Variants in TSPAN18 observed in about 807,000 individuals in gnomAD.
The protein encoded by TSPAN18 is tetraspanin 18.
In TSPAN18, 14 loss-of-function variants were observed where a neutral mutation model predicts 27.3. That is an observed-to-expected ratio of 0.51 (90% CI 0.34 to 0.80). TSPAN18 has a LOEUF of 0.80. Ranked by LOEUF, TSPAN18 falls within the 30% of genes least tolerant of loss-of-function variation. The pLI is 0.01. For synonymous variants in TSPAN18, 143 were observed against 136.5 expected (o/e 1.05, Z -0.33); for missense variants, 268 against 323.9 (o/e 0.83, Z 1.32).
intron 2 of TSPAN18, among the ~76,000 whole-genome samples, chr11:44,849,192 C>G (rs1408510701): frequency 6.6e-6 from 1 of 152,110 alleles, no homozygotes; most frequent in Non-Finnish European, 1.5e-5. Flanking sequence ...TGATTCCTGT[C>G]TCAGGTTTGA....
rs746216406 is a variant in TSPAN18, at chr11:44,929,392, G to A, written c.*214G>A. On this transcript the variant is annotated 3_prime_UTR_variant, in exon 10 of 10. Coordinates refer to ENST00000520358, the MANE Select transcript of TSPAN18 (RefSeq NM_130783.5). Reference sequence around the variant, plus strand: ...CTGATGTATCCTCGCCTGGACTCAGGGCAGGTGCCGTGGGTTCTCCAGAGA... The same window carrying A: ...CTGATGTATCCTCGCCTGGACTCAGAGCAGGTGCCGTGGGTTCTCCAGAGA... The A allele has an allele frequency of 3.0e-5, 19 of 624,018 alleles. No homozygotes were observed. Among genetic ancestry groups the A allele is most frequent in the Non-Finnish European group, 4.9e-5 (18 of 365,888 alleles). 38.7% of individuals were successfully genotyped at this position (624,018 alleles called of 1,614,324 possible).
intron 9 of TSPAN18, among the ~76,000 whole-genome samples, chr11:44,927,990 G>A (rs968663537): frequency 1.3e-5 from 2 of 152,198 alleles, no homozygotes; most frequent in Non-Finnish European, 2.9e-5. Flanking sequence ...CCCCATGGGA[G>A]GCAGAATCCT....
intron 1 of TSPAN18, among the ~76,000 whole-genome samples, chr11:44,746,322 ACAGACGTCTC>A (rs1339555559): frequency 6.6e-6 from 1 of 152,132 alleles, no homozygotes; most frequent in Non-Finnish European, 1.5e-5. Flanking sequence ...TTAGAAGGGA[ACAGACGTCTC>A]CTGGTCATGC....
chr11:44,801,973 A>G (rs1856490483), intron 2 of TSPAN18, among the ~76,000 whole-genome samples: 1 of 152,180 alleles, frequency 6.6e-6, no homozygotes, highest in Non-Finnish European at 1.5e-5. Flanking sequence ...TCAAGACTGC[A>G]GTGAGCCATG....
At chr11:44,829,105 C>G (rs1857103638) in intron 2 of TSPAN18, among the ~76,000 whole-genome samples, 2 of 152,202 alleles carry the variant, frequency 1.3e-5, no homozygotes, top group Admixed American at 1.3e-4. Flanking sequence ...ACTCCCCTTA[C>G]CCAGGCACAC....
intron 3 of TSPAN18, among the ~76,000 whole-genome samples, chr11:44,869,789 C>T (rs1858141858): frequency 6.6e-6 from 1 of 152,240 alleles, no homozygotes; most frequent in Non-Finnish European, 1.5e-5. Context: ...GTCCCTCACA[C>T]AGTCCCCTCC....
chr11:44,930,041 C>A lies in TSPAN18; in HGVS notation c.*863C>A, dbSNP rs35906924. 10,481 of 152,034 alleles carry A rather than the reference C, an allele frequency of 0.069. 390 individuals carry two copies. Among genetic ancestry groups the A allele is most frequent in the Admixed American group, 0.1 (1,540 of 15,300 alleles). The allele number at this position is 152,034 out of a possible 1,614,324, so 9.4% of individuals were successfully genotyped here. ...TCCATGACTTCCCACCGCGCCCTCGCTCCTACCTCCCCACACCTCTCTCTG... is the reference window on the plus strand; with the variant it reads ...TCCATGACTTCCCACCGCGCCCTCGATCCTACCTCCCCACACCTCTCTCTG... On this transcript the variant is annotated 3_prime_UTR_variant, in exon 10 of 10. Coordinates refer to ENST00000520358, the MANE Select transcript of TSPAN18 (RefSeq NM_130783.5).
In TSPAN18 at chr11:44,929,797, C is replaced by T; in HGVS notation, c.*619C>T. The T allele has an allele frequency of 6.5e-6, 1 of 153,342 alleles. No individual in the cohort carries two copies. The highest frequency in any genetic ancestry group is 1.9e-4 in the East Asian group (1 of 5,196). The allele number at this position is 153,342 out of a possible 1,614,324, so 9.5% of individuals were successfully genotyped here. A position where few individuals can be genotyped will look rare whatever the true frequency, so the allele number is the denominator to read the frequency against. ...CTGTTGGACCAAATAATCTCAAAGG[C>T]CCAGAGAGGACAGTGACCATCCACA... On this transcript the variant is annotated 3_prime_UTR_variant, in exon 10 of 10. Coordinates refer to ENST00000520358, the MANE Select transcript of TSPAN18 (RefSeq NM_130783.5).
At chr11:44,850,016 C>T (rs904065106) in intron 2 of TSPAN18, among the ~76,000 whole-genome samples, 1 of 152,168 alleles carries the variant, frequency 6.6e-6, no homozygotes, top group African/African-American at 2.4e-5. Flanking sequence ...AAGCAAGTGC[C>T]TTCCCTTAAG....
At chr11:44,851,921 A>G (rs1164599864) in intron 2 of TSPAN18, among the ~76,000 whole-genome samples, 1 of 152,152 alleles carries the variant, frequency 6.6e-6, no homozygotes, top group Non-Finnish European at 1.5e-5. Flanking sequence ...AACACTCCCC[A>G]GCCTCTGTCT....
At chr11:44,776,035 G>T (rs1855798573) in intron 2 of TSPAN18, among the ~76,000 whole-genome samples, 1 of 152,164 alleles carries the variant, frequency 6.6e-6, no homozygotes, top group South Asian at 2.1e-4. Flanking sequence ...GACCATAATT[G>T]AATCTCTCTG....
At chr11:44,847,493 C>A (rs1050630926) in intron 2 of TSPAN18, among the ~76,000 whole-genome samples, 2 of 152,236 alleles carry the variant, frequency 1.3e-5, no homozygotes, top group African/African-American at 4.8e-5. Context: ...CTTTTCATGG[C>A]TGAATACTAT....
chr11:44,831,626 A>G (rs1263590073), intron 2 of TSPAN18, among the ~76,000 whole-genome samples: 2 of 152,152 alleles, frequency 1.3e-5, no homozygotes, highest in African/African-American at 4.8e-5. Flanking sequence ...TTACTCGCTC[A>G]CTCACTCATT....
intron 2 of TSPAN18, among the ~76,000 whole-genome samples, chr11:44,823,504 G>A (rs1467107479): frequency 2.0e-5 from 3 of 152,120 alleles, no homozygotes; most frequent in African/African-American, 7.2e-5. Flanking sequence ...AAAGGTTAAA[G>A]TAAAGACACC....
intron 2 of TSPAN18, among the ~76,000 whole-genome samples, chr11:44,790,576 A>ATGTGTGTGCATGTGTTCG (rs1329406854): frequency 3.9e-5 from 4 of 101,904 alleles, no homozygotes; most frequent in African/African-American, 1.1e-4. Context: ...GTGTGTGTGC[A>ATGTGTGTGCATGTGTTCG]TGTGTGTGCA....
At chr11:44,860,740 G>A (rs1857857161) in intron 3 of TSPAN18, among the ~76,000 whole-genome samples, 2 of 152,224 alleles carry the variant, frequency 1.3e-5, no homozygotes, top group South Asian at 2.1e-4. Flanking sequence ...TGAGGTGCAG[G>A]CTAGCCCACC....
chr11:44,888,250 C>T (rs1355864780), intron 3 of TSPAN18, among the ~76,000 whole-genome samples: 2 of 152,186 alleles, frequency 1.3e-5, no homozygotes, highest in Admixed American at 6.5e-5. Flanking sequence ...ATCTGAGACC[C>T]TGTTCTTCTC....
intron 8 of TSPAN18, among the ~76,000 whole-genome samples, chr11:44,924,618 C>T (rs775423034): frequency 6.6e-6 from 1 of 152,146 alleles, no homozygotes; most frequent in Non-Finnish European, 1.5e-5. Context: ...ATGGGAGGGC[C>T]GAGGCATCCC....
intron 1 of TSPAN18, chr11:44,736,078 G>A (rs1854786143): frequency 1.3e-5 from 2 of 152,164 alleles, no homozygotes; most frequent in South Asian, 4.1e-4. Flanking sequence ...TAAGTAATTT[G>A]CCCAAGTTCA....
Sources: gnomAD v4.1 joint callset for allele counts (sites outside exome capture counted in the v4.1 genomes callset) on GRCh38, gnomAD v4.1.1 for gene constraint, MANE v1.5 for transcripts, NCBI Gene and HGNC (gene_info 2026-07-23, HGNC 2026-07-21) for gene names.